The following ITGB8 variants were observed in gnomAD, a reference collection of about 807,000 sequenced individuals.
ITGB8 encodes the protein integrin beta-8.
In ITGB8, 30 loss-of-function variants were observed where a neutral mutation model predicts 89.5. The ratio of observed to expected loss-of-function variants is 0.34; its 90% CI spans 0.25 to 0.45. The LOEUF (loss-of-function observed/expected upper bound fraction) is 0.45, where lower values mean the gene tolerates loss of function less well. Ranked by LOEUF, ITGB8 falls within the 20% of genes least tolerant of loss-of-function variation. ITGB8 has a pLI of 1.00. For missense variants in ITGB8, 836 were observed against 933.3 expected, an observed-to-expected ratio of 0.90 and a Z score of 1.36; for synonymous variants, 335 against 320.4, an observed-to-expected ratio of 1.05 and a Z score of -0.49.
At chr7:20,354,928 A>G (rs1785239569) in intron 1 of ITGB8, among the ~76,000 whole-genome samples, 1 of 152,106 alleles carries the variant, frequency 6.6e-6, no homozygotes, top group South Asian at 2.1e-4. Flanking sequence ...GCAAACAGCA[A>G]TCTGTGTGAC....
intron 3 of ITGB8, among the ~76,000 whole-genome samples, chr7:20,375,190 T>C (rs2127955346): frequency 6.6e-6 from 1 of 152,226 alleles, no homozygotes; most frequent in Middle Eastern, 3.4e-3. Context: ...TGTTTGAAAT[T>C]CTACATTCAT....
chr7:20,409,887 C>T lies in ITGB8; in HGVS notation c.2200C>T (p.Leu734=), dbSNP rs749419879. The change falls in exon 14 of 14, where the codon CTG becomes TTG. Residue 734 remains leucine, a synonymous_variant. Coordinates refer to ENST00000222573, the MANE Select transcript of ITGB8 (RefSeq NM_002214.3). ...VSASKKDKLI[L]QSVCTRAVTY... is the part of the protein sequence containing the mutation. ...CTTCTCTATTAAGGATAAGTTGATT[C>T]TGCAAAGTGTTTGCACAAGAGCAGT... 1.2e-6 allele frequency: 2 copies of T among 1,613,378 alleles called. No individual in the cohort carries two copies. Among genetic ancestry groups the T allele is most frequent in the Admixed American group, 1.7e-5 (1 of 59,950 alleles).
rs764588528 is a variant in ITGB8, at chr7:20,409,954, T to C, written c.2267T>C (p.Ile756Thr). 6.2e-7 allele frequency: 1 copy of C among 1,613,362 alleles called. No homozygotes were observed. The highest frequency in any genetic ancestry group is 2.2e-5 in the East Asian group (1 of 44,852). ...AAGCCTGAAGAAATAAAAATGGATA[T>C]CAGCAAATTAAATGCTCATGAAACT... is the stretch of plus-strand genomic sequence containing the variant. ...REKPEEIKMD[I>T]SKLNAHETFR... Residue 756 changes from isoleucine to threonine, a missense_variant, in exon 14 of 14, where the codon ATC becomes ACC. By Grantham distance (89) the Ile-to-Thr change is moderately conservative (BLOSUM62 -1). Coordinates refer to ENST00000222573, the MANE Select transcript of ITGB8 (RefSeq NM_002214.3).
chr7:20,344,295 AT>A (rs3834354), intron 1 of ITGB8, among the ~76,000 whole-genome samples: 79,227 of 151,842 alleles, frequency 0.52, 21,450 homozygotes, highest in South Asian at 0.7. Context: ...AATTTTTCTC[AT>A]TTTTTTAGGA....
At chr7:20,407,666 G>A (rs778108439) in intron 12 of ITGB8, among the ~76,000 whole-genome samples, 23 of 152,092 alleles carry the variant, frequency 1.5e-4, no homozygotes, top group Non-Finnish European at 2.9e-4. Context: ...CTGGAGCTGC[G>A]GCAATCACTC....
chr7:20,360,915 C>CTTTT (rs1167974755), intron 1 of ITGB8, among the ~76,000 whole-genome samples: 4 of 80,884 alleles, frequency 4.9e-5, no homozygotes, highest in Non-Finnish European at 8.2e-5. Flanking sequence ...CAACTGCAGT[C>CTTTT]TTTTTTTTTT....
At chr7:20,367,276 GCAGTA>G (rs1157902717) in intron 3 of ITGB8, 90 bp downstream of exon 3, 1 of 996,740 alleles carries the variant, frequency 1.0e-6, no homozygotes, top group Non-Finnish European at 1.5e-6. Context: ...TATGTGGCAG[GCAGTA>G]TTGTTCTTGT....
At chr7:20,375,455 C>T (rs78582650) in intron 3 of ITGB8, among the ~76,000 whole-genome samples, 1,650 of 151,836 alleles carry the variant, frequency 0.011, 33 homozygotes, top group African/African-American at 0.038. Context: ...AGATTCTTCA[C>T]ATTTACTTGT....
Position 20,331,697 on chromosome 7 carries a change from A to T in ITGB8, c.-110A>T. On this transcript the variant is annotated 5_prime_UTR_variant, in exon 1 of 14. It introduces an in-frame stop codon into an upstream open reading frame of the 5' UTR. Coordinates refer to ENST00000222573, the MANE Select transcript of ITGB8 (RefSeq NM_002214.3). The stretch of plus-strand genomic sequence containing the variant: ...CGGGGTCCGCCTGCTAGGCCTGCGG[A>T]AAACGTCCTAGCGACACTCGGCCCG... 7.5e-7 allele frequency: 1 copy of T among 1,329,444 alleles called. No homozygotes were observed. The highest frequency in any genetic ancestry group is 9.9e-7 in the Non-Finnish European group (1 of 1,007,434). 82.4% of individuals were successfully genotyped at this position (1,329,444 alleles called of 1,614,324 possible).
At chr7:20,364,385 A>C (rs1276362866) in intron 2 of ITGB8, among the ~76,000 whole-genome samples, 1 of 152,194 alleles carries the variant, frequency 6.6e-6, no homozygotes, top group Non-Finnish European at 1.5e-5. Flanking sequence ...CATGGAGATA[A>C]GTCTCTAGCT....
At chr7:20,366,972 A>G (rs1785723704) in intron 2 of ITGB8, 40 bp from the exon 3 acceptor site, 1 of 1,439,606 alleles carries the variant, frequency 6.9e-7, no homozygotes, top group Non-Finnish European at 9.6e-7. Flanking sequence ...TGTAATTGAT[A>G]TACACTAAAA....
At chr7:20,368,302 T>C (rs761556507) in intron 3 of ITGB8, among the ~76,000 whole-genome samples, 2 of 152,138 alleles carry the variant, frequency 1.3e-5, no homozygotes, top group Non-Finnish European at 2.9e-5. Flanking sequence ...TTGCAAAAAA[T>C]TATTTAGTGT....
intron 1 of ITGB8, among the ~76,000 whole-genome samples, chr7:20,360,915 C>CTTTTTTTTTTTTT (rs1167974755): frequency 8.7e-5 from 7 of 80,860 alleles, no homozygotes; most frequent in African/African-American, 1.7e-4. Context: ...CAACTGCAGT[C>CTTTTTTTTTTTTT]TTTTTTTTTT....
At chr7:20,366,002 G>C (rs1216976946) in intron 2 of ITGB8, 2 of 151,710 alleles carry the variant, frequency 1.3e-5, no homozygotes, top group African/African-American at 4.8e-5. Flanking sequence ...AGAAAATTTA[G>C]ACAGGATGTA....
At chr7:20,375,226 T>C (rs1247141477) in intron 3 of ITGB8, among the ~76,000 whole-genome samples, 1 of 152,190 alleles carries the variant, frequency 6.6e-6, no homozygotes, top group Non-Finnish European at 1.5e-5. Flanking sequence ...GGAAATGTTA[T>C]GGTCGGTCCC....
At chr7:20,360,380 T>C (rs961002200) in intron 1 of ITGB8, among the ~76,000 whole-genome samples, 3 of 120,204 alleles carry the variant, frequency 2.5e-5, no homozygotes, top group African/African-American at 9.7e-5. Context: ...AGCGTTGGGG[T>C]ACAAGTGGTT....
intron 3 of ITGB8, among the ~76,000 whole-genome samples, chr7:20,368,638 AAT>A (rs1462657957): frequency 6.6e-6 from 1 of 152,216 alleles, no homozygotes; most frequent in Non-Finnish European, 1.5e-5. Flanking sequence ...GCCTCTAATA[AAT>A]ATGACTACAT....
intron 7 of ITGB8, among the ~76,000 whole-genome samples, chr7:20,394,621 G>C (rs999595158): frequency 1.3e-5 from 2 of 152,206 alleles, no homozygotes; most frequent in African/African-American, 4.8e-5. Flanking sequence ...TTTGGGAGAT[G>C]CTCATCTGCA....
chr7:20,359,766 T>C (rs1785430781), intron 1 of ITGB8, among the ~76,000 whole-genome samples: 1 of 152,192 alleles, frequency 6.6e-6, no homozygotes, highest in African/African-American at 2.4e-5. Context: ...GTGAAAAGAA[T>C]TCCTGTAATT....
Sources: allele counts gnomAD v4.1 joint callset (sites outside exome capture counted in the v4.1 genomes callset), GRCh38; gene constraint gnomAD v4.1.1; transcripts MANE v1.5; gene names NCBI Gene and HGNC (gene_info 2026-07-23, HGNC 2026-07-21).